The following GASK1B variants were observed in gnomAD, a reference collection of about 807,000 sequenced individuals.
GASK1B encodes Golgi-associated kinase 1B.
In GASK1B, 34 loss-of-function variants were observed where a neutral mutation model predicts 42.8. That is an observed-to-expected ratio of 0.79 (90% CI 0.60 to 1.06). The LOEUF is 1.06. GASK1B is among the 50% of genes least tolerant of loss of function. The pLI, the probability that GASK1B is intolerant of heterozygous loss-of-function variation, is 0.00. For missense variants in GASK1B, 686 were observed against 661.0 expected, an observed-to-expected ratio of 1.04 and a Z score of -0.42; for synonymous variants, 262 against 259.1, an observed-to-expected ratio of 1.01 and a Z score of -0.11.
intron 2 of GASK1B, among the ~76,000 whole-genome samples, chr4:158,164,484 C>G (rs1183667554): frequency 1.3e-5 from 2 of 152,138 alleles, no homozygotes; most frequent in East Asian, 3.9e-4. Context: ...CTGCTTAGAG[C>G]CGAGGCTCAG....
intron 3 of GASK1B, among the ~76,000 whole-genome samples, chr4:158,148,750 T>A (rs1285553554): frequency 1.3e-5 from 2 of 152,156 alleles, no homozygotes; most frequent in African/African-American, 4.8e-5. Flanking sequence ...ATTTGAAATA[T>A]TTATTTTTGT....
chr4:158,170,812 C>CACT lies in GASK1B; in HGVS notation c.561_563dup (p.Val188dup), dbSNP rs747486725. The CACT allele has an allele frequency of 6.2e-7, 1 of 1,614,218 alleles. No individual in the cohort carries two copies. Among genetic ancestry groups the CACT allele is most frequent in the Non-Finnish European group, 8.5e-7 (1 of 1,180,032 alleles). On this transcript the variant is annotated inframe_insertion, in exon 2 of 5. Transcript: ENST00000585682. ...GCAGGAAGTCTGGGCCCCCGGCTCG[C>CACT]ACTCCCGGACCCCGCACCAACCTCC... is the stretch of plus-strand genomic sequence containing the variant.
At chr4:158,132,686 G>T (rs1043230921) in intron 3 of GASK1B, among the ~76,000 whole-genome samples, 6 of 152,160 alleles carry the variant, frequency 3.9e-5, no homozygotes, top group Admixed American at 6.5e-5. Flanking sequence ...TGAAGTTTAT[G>T]TAAAGCTGGT....
chr4:158,152,843 A>T (rs1731609550), intron 3 of GASK1B, among the ~76,000 whole-genome samples: 1 of 152,206 alleles, frequency 6.6e-6, no homozygotes. Flanking sequence ...CATAGAAGGG[A>T]CGTACCTTAA....
intron 3 of GASK1B, among the ~76,000 whole-genome samples, chr4:158,135,748 A>T (rs2110939933): frequency 6.6e-6 from 1 of 152,290 alleles, no homozygotes; most frequent in Admixed American, 6.5e-5. Context: ...AATTTAAAAT[A>T]TTAGTTATAA....
chr4:158,153,661 T>C (rs1478776074), intron 3 of GASK1B, among the ~76,000 whole-genome samples: 2 of 152,084 alleles, frequency 1.3e-5, no homozygotes, highest in Non-Finnish European at 2.9e-5. Context: ...AACAGGCACA[T>C]AGACCAATGG....
intron 3 of GASK1B, among the ~76,000 whole-genome samples, chr4:158,142,696 T>C (rs1303324606): frequency 2.0e-5 from 3 of 152,228 alleles, no homozygotes; most frequent in African/African-American, 7.2e-5. Flanking sequence ...TATGATGTCT[T>C]CTGATAAAAG....
intron 4 of GASK1B, among the ~76,000 whole-genome samples, chr4:158,127,959 C>T (rs1730525987): frequency 6.6e-6 from 1 of 152,100 alleles, no homozygotes. Context: ...GTGGAAACCC[C>T]TTTAATCTGT....
Position 158,127,263 on chromosome 4 carries a change from T to C in GASK1B, c.*144A>G. 1.3e-5 allele frequency: 9 copies of C among 670,786 alleles called. No individual in the cohort carries two copies. Among genetic ancestry groups the C allele is most frequent in the South Asian group, 1.3e-4 (7 of 54,124 alleles). 41.6% of individuals were successfully genotyped at this position (670,786 alleles called of 1,614,324 possible). A position where few individuals can be genotyped will look rare whatever the true frequency, so the allele number is the denominator to read the frequency against. ...ATGCATACAGTGCTAAGTCCCATTATAGCTACTTGGTTAAAGTCATTTATT... is the reference window on the plus strand; with the variant it reads ...ATGCATACAGTGCTAAGTCCCATTACAGCTACTTGGTTAAAGTCATTTATT... On this transcript the variant is annotated 3_prime_UTR_variant, in exon 5 of 5. Transcript: ENST00000585682.
In GASK1B at chr4:158,158,837, T is replaced by A. The variant is rs567435960; in HGVS notation, c.911-3012A>T. Among the ~76,000 whole-genome samples the A allele has an allele frequency of 8.1e-4, 123 of 152,238 alleles. 1 individual carries two copies. Among genetic ancestry groups the A allele is most frequent in the African/African-American group, 2.8e-3 (115 of 41,560 alleles). On this transcript the variant is annotated intron_variant, in intron 2 of 4. Transcript: ENST00000585682. Reference sequence around the variant, plus strand: ...TCAAGGGTTATAGCAATATCACTAATCTTTTGATTTTTGTCAATCATTTAA... The same window carrying A: ...TCAAGGGTTATAGCAATATCACTAAACTTTTGATTTTTGTCAATCATTTAA...
chr4:158,136,881 C>T (rs1730913018), intron 3 of GASK1B, among the ~76,000 whole-genome samples: 1 of 152,158 alleles, frequency 6.6e-6, no homozygotes, highest in South Asian at 2.1e-4. Flanking sequence ...TCACCCAATG[C>T]CTACCACATA....
chr4:158,163,102 A>G (rs1358496808), intron 2 of GASK1B, among the ~76,000 whole-genome samples: 3 of 152,226 alleles, frequency 2.0e-5, no homozygotes. Context: ...CTCCACAAAT[A>G]AGAGATCTCG....
At chr4:158,144,009 T>G (rs961811905) in intron 3 of GASK1B, among the ~76,000 whole-genome samples, 31 of 152,190 alleles carry the variant, frequency 2.0e-4, no homozygotes, top group African/African-American at 7.0e-4. Context: ...ATTCTACTTT[T>G]TTGTCATGTT....
rs563253865 is a variant in GASK1B at position 158,144,951 on chromosome 4, C to T, written c.1125+10660G>A. Among the ~76,000 whole-genome samples the T allele has an allele frequency of 1.9e-4, 29 of 152,322 alleles. 1 individual carries two copies. In the South Asian group the frequency reaches 6.0e-3, roughly 32 times the overall value. On this transcript the variant is annotated intron_variant, in intron 3 of 4. Transcript: ENST00000585682. The stretch of plus-strand genomic sequence containing the variant: ...CCCAATGTCCAGGACCCTGGAGCAC[C>T]ATGTCTCTTGCTGTCATAGCACCTG...
intron 3 of GASK1B, among the ~76,000 whole-genome samples, chr4:158,139,176 CG>C (rs1731021748): frequency 6.6e-6 from 1 of 152,196 alleles, no homozygotes; most frequent in Non-Finnish European, 1.5e-5. Flanking sequence ...CTGCCTACCA[CG>C]ATGCTTCCCC....
Position 158,171,471 on chromosome 4 carries a change from G to C in GASK1B, c.-96C>G. 7.3e-7 allele frequency: 1 copy of C among 1,377,226 alleles called. No individual in the cohort carries two copies. Among genetic ancestry groups the C allele is most frequent in the Admixed American group, 2.7e-5 (1 of 36,590 alleles). 85.3% of individuals were successfully genotyped at this position (1,377,226 alleles called of 1,614,324 possible). ...TTTCCTGACTTCAGCTGCCGCGTCC[G>C]CTTCGGGATATAAGTGGTCTCCAGT... On this transcript the variant is annotated 5_prime_UTR_variant, in exon 2 of 5. Coordinates refer to ENST00000585682, the MANE Select transcript of GASK1B (RefSeq NM_001128424.2).
At chr4:158,162,098 C>T (rs1012759460) in intron 2 of GASK1B, among the ~76,000 whole-genome samples, 1 of 152,170 alleles carries the variant, frequency 6.6e-6, no homozygotes, top group Admixed American at 6.5e-5. Context: ...CTGCACCCAT[C>T]CCATCTCTCA....
rs1286792303 is a variant in GASK1B at position 158,170,725 on chromosome 4, G to T, written c.651C>A (p.Ser217Arg). 4 of 1,614,224 alleles carry T rather than the reference G, an allele frequency of 2.5e-6. No individual in the cohort carries two copies. The highest frequency in any genetic ancestry group is 1.3e-5 in the African/African-American group (1 of 75,072). ...GTCGCATTCTTCGGATGTCATCTTT[G>T]CTCAGCCAGGAGGGGGCGCTCTCGC... is the stretch of plus-strand genomic sequence containing the variant. Reference protein sequence around the residue: ...IYSESAPSWLSKDDIRRMRLL... With the variant: ...IYSESAPSWLRKDDIRRMRLL... Residue 217 changes from serine to arginine, a missense_variant, in exon 2 of 5, where the codon AGC (serine) becomes AGA (arginine). Physicochemically the swap from Ser to Arg is moderately radical, Grantham distance 110. Coordinates refer to ENST00000585682, the MANE Select transcript of GASK1B (RefSeq NM_001128424.2).
Position 158,144,895 on chromosome 4 carries a change from A to G in GASK1B, c.1125+10716T>C, listed in dbSNP as rs569219902. 3.3e-5 allele frequency among the ~76,000 whole-genome samples: 5 copies of G among 152,344 alleles called. No individual in the cohort carries two copies. The South Asian group carries it at 1.0e-3, about 32-fold the overall frequency. On this transcript the variant is annotated intron_variant, in intron 3 of 4. Coordinates refer to ENST00000585682, the MANE Select transcript of GASK1B (RefSeq NM_001128424.2). ...GTTTGGCAGTATTCTGATTCAGCAA[A>G]GCAATAAAACCAACCCAAACTATTT...
Sources: gnomAD v4.1 joint callset for allele counts (sites outside exome capture counted in the v4.1 genomes callset) on GRCh38, gnomAD v4.1.1 for gene constraint, MANE v1.5 for transcripts, NCBI Gene and HGNC (gene_info 2026-07-23, HGNC 2026-07-21) for gene names.